Variants in PDZRN3 observed in about 807,000 individuals in gnomAD.
PDZRN3 encodes E3 ubiquitin-protein ligase PDZRN3.
In PDZRN3, 38 loss-of-function variants were observed where a neutral mutation model predicts 85.7. The ratio of observed to expected loss-of-function variants is 0.44; its 90% CI spans 0.34 to 0.58. The LOEUF is 0.58. Ranked by LOEUF, PDZRN3 falls within the 20% of genes least tolerant of loss-of-function variation. PDZRN3 has a pLI of 0.01. For missense variants in PDZRN3, 1,629 were observed against 1,506.4 expected (o/e 1.08, Z -1.35); for synonymous variants, 759 against 638.0 (o/e 1.19, Z -2.86).
At chr3:73,591,103 G>A (rs1702351239) in intron 3 of PDZRN3, among the ~76,000 whole-genome samples, 1 of 151,860 alleles carries the variant, frequency 6.6e-6, no homozygotes, top group African/African-American at 2.4e-5. Flanking sequence ...TTTCTACAAT[G>A]GTGTATTACA....
chr3:73,466,589 C>T lies in PDZRN3; in HGVS notation c.919-62194G>A, dbSNP rs553565956. The stretch of plus-strand genomic sequence containing the variant: ...TTCAGTTTAGGATGGGGCTGGTCCA[C>T]GCAGCAATTAAGAGGAAATAAAAGA... On this transcript the variant is annotated intron_variant, in intron 3 of 9. Coordinates refer to ENST00000263666, the MANE Select transcript of PDZRN3 (RefSeq NM_015009.3). Among the ~76,000 whole-genome samples, 40 of 152,128 alleles carry T rather than the reference C, an allele frequency of 2.6e-4. No individual in the cohort carries two copies. In the South Asian group the frequency reaches 5.2e-3, roughly 20 times the overall value.
At chr3:73,530,129 G>A (rs144973141) in intron 3 of PDZRN3, among the ~76,000 whole-genome samples, 3 of 152,178 alleles carry the variant, frequency 2.0e-5, no homozygotes, top group East Asian at 1.9e-4. Flanking sequence ...AATTCCCATC[G>A]CACTCTGGGG....
intron 3 of PDZRN3, chr3:73,434,005 T>G (rs2106806603): frequency 3.3e-6 from 4 of 1,226,506 alleles, no homozygotes; most frequent in East Asian, 3.2e-5. Flanking sequence ...TGGATTGTGG[T>G]CCAATGCACA....
intron 3 of PDZRN3, among the ~76,000 whole-genome samples, chr3:73,443,354 G>A (rs541882493): frequency 6.4e-4 from 97 of 152,236 alleles, no homozygotes; most frequent in African/African-American, 2.2e-3. Context: ...ATTGGCCTGG[G>A]TGACTTTCCA....
intron 3 of PDZRN3, among the ~76,000 whole-genome samples, chr3:73,431,103 C>T (rs1702422268): frequency 6.6e-6 from 1 of 152,178 alleles, no homozygotes; most frequent in African/African-American, 2.4e-5. Flanking sequence ...AGGAGGCTTC[C>T]TCCCTATAGA....
chr3:73,386,022 T>G (rs898069678), intron 8 of PDZRN3, among the ~76,000 whole-genome samples: 1 of 152,004 alleles, frequency 6.6e-6, no homozygotes, highest in African/African-American at 2.4e-5. Flanking sequence ...ATGATTTTTT[T>G]TTTTCAGGGT....
At chr3:73,437,392 C>T (rs1405156110) in intron 3 of PDZRN3, among the ~76,000 whole-genome samples, 2 of 152,190 alleles carry the variant, frequency 1.3e-5, no homozygotes, top group African/African-American at 4.8e-5. Flanking sequence ...CACTGTACTA[C>T]ATGCTCATAA....
At chr3:73,546,873 C>G (rs1701434393) in intron 3 of PDZRN3, among the ~76,000 whole-genome samples, 1 of 152,166 alleles carries the variant, frequency 6.6e-6, no homozygotes, top group South Asian at 2.1e-4. Context: ...TTTTATTACA[C>G]CGTATGCATC....
chr3:73,459,888 T>G (rs1434047163), intron 3 of PDZRN3, among the ~76,000 whole-genome samples: 1 of 152,186 alleles, frequency 6.6e-6, no homozygotes, highest in Non-Finnish European at 1.5e-5. Context: ...AGCTAATACG[T>G]GGCAGGCAGG....
intron 3 of PDZRN3, among the ~76,000 whole-genome samples, chr3:73,474,020 C>T (rs535767090): frequency 3.9e-5 from 6 of 152,340 alleles, no homozygotes; most frequent in South Asian, 4.1e-4. Context: ...ATCTACTAAG[C>T]GGTAGAGCCT....
intron 3 of PDZRN3, among the ~76,000 whole-genome samples, chr3:73,428,529 T>C (rs1257521429): frequency 6.6e-6 from 1 of 152,016 alleles, no homozygotes; most frequent in Non-Finnish European, 1.5e-5. Flanking sequence ...AACATATATA[T>C]GGAAACAAGG....
intron 3 of PDZRN3, among the ~76,000 whole-genome samples, chr3:73,488,899 T>C (rs1703716015): frequency 6.6e-6 from 1 of 152,230 alleles, no homozygotes; most frequent in Admixed American, 6.5e-5. Context: ...ATTTCCATCC[T>C]TGGTGGGGCC....
In PDZRN3 at chr3:73,384,168, C is replaced by T. The variant is rs753093180; in HGVS notation, c.2398G>A (p.Ala800Thr). The T allele has an allele frequency of 1.9e-6, 3 of 1,614,084 alleles. No homozygotes were observed. The highest frequency in any genetic ancestry group is 1.7e-6 in the Non-Finnish European group (2 of 1,180,038). The change falls in exon 10 of 10, where the codon GCC becomes ACC. Residue 800 changes from alanine (A) to threonine (T), a missense_variant. Physicochemically the swap from Ala to Thr is moderately conservative, Grantham distance 58 (BLOSUM62 0). Coordinates refer to ENST00000263666, the MANE Select transcript of PDZRN3 (RefSeq NM_015009.3). ...AGATTCTTGGAGGCTGGCCCGTAGG[C>T]TTCCGTGGTCCCCACAGCCCCTTCG... Reference protein sequence around the residue: ...SSEGAVGTTEAYGPASKNLLS... With the variant: ...SSEGAVGTTETYGPASKNLLS...
intron 3 of PDZRN3, among the ~76,000 whole-genome samples, chr3:73,553,009 G>T (rs1159036961): frequency 6.6e-6 from 1 of 152,116 alleles, no homozygotes; most frequent in Non-Finnish European, 1.5e-5. Flanking sequence ...GGTGACTCTA[G>T]TCCAGATAAT....
intron 1 of PDZRN3, chr3:73,623,605 A>G (rs370054487): frequency 6.6e-6 from 1 of 152,202 alleles, no homozygotes; most frequent in South Asian, 2.1e-4. Flanking sequence ...AACTTAATCT[A>G]CACTGGCTGT....
At chr3:73,548,240 G>A (rs1316027601) in intron 3 of PDZRN3, among the ~76,000 whole-genome samples, 3 of 152,182 alleles carry the variant, frequency 2.0e-5, no homozygotes, top group Admixed American at 6.5e-5. Context: ...TGTGACAGGC[G>A]CTTGGGGTCT....
chr3:73,390,323 G>T (rs1701495233), intron 6 of PDZRN3, among the ~76,000 whole-genome samples: 1 of 152,204 alleles, frequency 6.6e-6, no homozygotes, highest in Admixed American at 6.5e-5. Flanking sequence ...GGACTGGTAA[G>T]GGGAGGGATG....
intron 3 of PDZRN3, among the ~76,000 whole-genome samples, chr3:73,482,895 C>T (rs1379568423): frequency 6.6e-6 from 1 of 152,182 alleles, no homozygotes; most frequent in African/African-American, 2.4e-5. Context: ...CCAAAGAAGG[C>T]ACTGCTCTCT....
intron 3 of PDZRN3, among the ~76,000 whole-genome samples, chr3:73,493,781 G>A (rs1398527157): frequency 6.6e-6 from 1 of 152,222 alleles, no homozygotes; most frequent in Admixed American, 6.5e-5. Context: ...CCTAAACTGG[G>A]CCAATGGGTG....
Sources: gnomAD v4.1 joint callset for allele counts (sites outside exome capture counted in the v4.1 genomes callset) on GRCh38, gnomAD v4.1.1 for gene constraint, MANE v1.5 for transcripts, NCBI Gene and HGNC (gene_info 2026-07-23, HGNC 2026-07-21) for gene names.